IMPG1: variants seen among roughly 807,000 people sequenced by gnomAD.
IMPG1 encodes interphotoreceptor matrix proteoglycan of 150 kDa.
A neutral mutation model predicts 92.0 loss-of-function variants in IMPG1; 85 were observed. That is an observed-to-expected ratio of 0.92 (90% CI 0.78 to 1.11). The LOEUF is 1.11. Among genes scored for constraint, IMPG1 ranks in the 50% least tolerant of loss-of-function variants. IMPG1 has a pLI of 0.00. For synonymous variants in IMPG1, 367 were observed against 334.1 expected, an observed-to-expected ratio of 1.10 and a Z score of -1.08; for missense variants, 1,022 against 956.0, an observed-to-expected ratio of 1.07 and a Z score of -0.91.
In IMPG1 at chr6:75,928,190, CCTTT is replaced by C. The variant is rs1554226820; in HGVS notation, c.2243+2759_2243+2762del. The stretch of plus-strand genomic sequence containing the variant: ...TTGGCCCTTTCTTCCCACCCCTCAA[CCTTT>C]CTTTCTTTCTTTCTTTTTTTTTTGA... On this transcript the variant is annotated intron_variant, in intron 15 of 16. Coordinates refer to ENST00000369950, the MANE Select transcript of IMPG1 (RefSeq NM_001563.4). Among the ~76,000 whole-genome samples the C allele has an allele frequency of 3.5e-3, 523 of 151,398 alleles. 3 individuals carry two copies. The highest frequency in any genetic ancestry group is 0.011 in the African/African-American group (465 of 41,392).
chr6:75,935,892 GTTCTC>G (rs1219872289), intron 14 of IMPG1, among the ~76,000 whole-genome samples: 1 of 152,202 alleles, frequency 6.6e-6, no homozygotes, highest in Non-Finnish European at 1.5e-5. Context: ...TAGTCTGACA[GTTCTC>G]TTCTCAATGT....
chr6:75,955,473 G>T (rs1396744808), intron 12 of IMPG1, among the ~76,000 whole-genome samples: 1 of 151,052 alleles, frequency 6.6e-6, no homozygotes, highest in East Asian at 1.9e-4. Flanking sequence ...TGTATTCTGA[G>T]ACTTATCAGC....
chr6:75,947,195 C>T (rs1443677502), intron 14 of IMPG1, 119 bp downstream of exon 14: 4 of 714,180 alleles, frequency 5.6e-6, no homozygotes, highest in Non-Finnish European at 9.5e-6. Context: ...GTTATTTCAT[C>T]TGGTATCATT....
chr6:75,954,386 T>C (rs369583669), intron 12 of IMPG1, among the ~76,000 whole-genome samples: 1 of 152,236 alleles, frequency 6.6e-6, no homozygotes, highest in Non-Finnish European at 1.5e-5. Flanking sequence ...TTTTTTCATA[T>C]GTTTGTTGGC....
intron 13 of IMPG1, 95 bp from the exon 14 acceptor site, chr6:75,947,628 T>A: frequency 1.2e-6 from 1 of 829,024 alleles, no homozygotes; most frequent in Non-Finnish European, 1.9e-6. Flanking sequence ...CCGAGACATA[T>A]ATTTTAGTTC....
chr6:75,930,519 T>A (rs1373061469), intron 15 of IMPG1, among the ~76,000 whole-genome samples: 3 of 152,332 alleles, frequency 2.0e-5, no homozygotes, highest in East Asian at 3.9e-4. Flanking sequence ...TTTTCTATAT[T>A]TCCCAGCTTT....
chr6:75,970,751 A>G (rs1782399260), intron 12 of IMPG1, among the ~76,000 whole-genome samples: 1 of 152,234 alleles, frequency 6.6e-6, no homozygotes, highest in Non-Finnish European at 1.5e-5. Context: ...GTATGATCAA[A>G]GTTCAATTCT....
intron 12 of IMPG1, among the ~76,000 whole-genome samples, chr6:75,963,965 G>A (rs1485348213): frequency 6.6e-6 from 1 of 152,204 alleles, no homozygotes; most frequent in Non-Finnish European, 1.5e-5. Flanking sequence ...AATTGCTACT[G>A]TGTGAGGCAA....
At chr6:75,937,496 T>C (rs1781766069) in intron 14 of IMPG1, among the ~76,000 whole-genome samples, 1 of 152,196 alleles carries the variant, frequency 6.6e-6, no homozygotes, top group African/African-American at 2.4e-5. Context: ...TTGAATTCCA[T>C]CTGCAGCGTT....
At chr6:75,924,907 G>C (rs1229667392) in intron 15 of IMPG1, among the ~76,000 whole-genome samples, 3 of 148,578 alleles carry the variant, frequency 2.0e-5, no homozygotes, top group Non-Finnish European at 4.4e-5. Flanking sequence ...TCTCACTCGT[G>C]GAATTTAAAA....
At chr6:76,016,344 AG>A (rs1257893547) in intron 7 of IMPG1, among the ~76,000 whole-genome samples, 1 of 152,228 alleles carries the variant, frequency 6.6e-6, no homozygotes, top group African/African-American at 2.4e-5. Flanking sequence ...ATCATCAAAA[AG>A]TCTATGGCCA....
At chr6:75,985,116 A>G (rs1782691635) in intron 12 of IMPG1, among the ~76,000 whole-genome samples, 1 of 152,264 alleles carries the variant, frequency 6.6e-6, no homozygotes, top group Non-Finnish European at 1.5e-5. Context: ...TAAACAAATA[A>G]AGATAAATTT....
intron 14 of IMPG1, among the ~76,000 whole-genome samples, chr6:75,945,330 A>G (rs1288169748): frequency 7.3e-6 from 1 of 136,842 alleles, no homozygotes. Context: ...TACCATCTCC[A>G]TTTTCTTTTC....
At chr6:75,952,024 C>T (rs902851383) in intron 12 of IMPG1, among the ~76,000 whole-genome samples, 26 of 152,244 alleles carry the variant, frequency 1.7e-4, no homozygotes, top group African/African-American at 5.8e-4. Flanking sequence ...ATTTCTACCA[C>T]CATTTTGCAT....
chr6:76,070,970 T>TA (rs534961651), intron 1 of IMPG1, among the ~76,000 whole-genome samples: 143 of 151,612 alleles, frequency 9.4e-4, no homozygotes, highest in Middle Eastern at 3.4e-3. Flanking sequence ...AATCTATATT[T>TA]AAAAAAAACA....
At chr6:75,973,618 G>A (rs1330051241) in intron 12 of IMPG1, among the ~76,000 whole-genome samples, 1 of 152,172 alleles carries the variant, frequency 6.6e-6, no homozygotes, top group African/African-American at 2.4e-5. Context: ...GAAAGGTTAA[G>A]TAAATTGCCC....
At chr6:76,019,231 G>T (rs1019056621) in intron 6 of IMPG1, among the ~76,000 whole-genome samples, 2 of 152,092 alleles carry the variant, frequency 1.3e-5, no homozygotes, top group African/African-American at 2.4e-5. Flanking sequence ...CTTGCCTGTT[G>T]GTCTGGAAAC....
At chr6:75,984,381 C>A (rs1782680623) in intron 12 of IMPG1, among the ~76,000 whole-genome samples, 1 of 152,092 alleles carries the variant, frequency 6.6e-6, no homozygotes, top group African/African-American at 2.4e-5. Flanking sequence ...GCTATTCAGT[C>A]TTAAAAAAGA....
intron 13 of IMPG1, 104 bp from the exon 14 acceptor site, chr6:75,947,637 T>G: frequency 2.6e-6 from 2 of 783,724 alleles, no homozygotes; most frequent in Non-Finnish European, 4.0e-6. Flanking sequence ...ATATTTTAGT[T>G]CCTTTTTATT....
Sources: allele counts gnomAD v4.1 joint callset (sites outside exome capture counted in the v4.1 genomes callset), GRCh38; gene constraint gnomAD v4.1.1; transcripts MANE v1.5; gene names NCBI Gene and HGNC (gene_info 2026-07-23, HGNC 2026-07-21).